Variants in CYP4Z1 observed in about 807,000 individuals in gnomAD.
The protein encoded by CYP4Z1 is cytochrome P450 family 4 subfamily Z member 1.
A neutral mutation model predicts 54.2 loss-of-function variants in CYP4Z1; 41 were observed. That is an observed-to-expected ratio of 0.76 (90% CI 0.59 to 0.98). The LOEUF (loss-of-function observed/expected upper bound fraction) is 0.98. Ranked by LOEUF, CYP4Z1 falls within the 50% of genes least tolerant of loss-of-function variation. The pLI, the probability that CYP4Z1 is intolerant of heterozygous loss-of-function variation, is 0.00. For synonymous variants in CYP4Z1, 163 were observed against 206.2 expected, an observed-to-expected ratio of 0.79 and a Z score of 1.79; for missense variants, 513 against 599.0, an observed-to-expected ratio of 0.86 and a Z score of 1.50.
At chr1:47,099,843 A>T (rs1228519987) in intron 8 of CYP4Z1, among the ~76,000 whole-genome samples, 1 of 152,238 alleles carries the variant, frequency 6.6e-6, no homozygotes, top group Non-Finnish European at 1.5e-5. Context: ...CATAGAACAC[A>T]TTCAAAAAGT....
At chr1:47,056,853 G>T in the CYP4Z1 span, among the ~76,000 whole-genome samples, 1 of 152,006 alleles carries the variant, frequency 6.6e-6, no homozygotes, top group Non-Finnish European at 1.5e-5. Flanking sequence ...ACAGCACACT[G>T]ATGTCTTGAC....
intron 6 of CYP4Z1, among the ~76,000 whole-genome samples, chr1:47,085,837 A>AC (rs1467588043): frequency 6.3e-5 from 3 of 47,586 alleles, no homozygotes; most frequent in Non-Finnish European, 1.2e-4. Flanking sequence ...ATGCTATCCC[A>AC]CCCCCCTCCC....
intron 7 of CYP4Z1, among the ~76,000 whole-genome samples, chr1:47,096,444 A>G (rs1375307922): frequency 6.6e-6 from 1 of 152,150 alleles, no homozygotes; most frequent in African/African-American, 2.4e-5. Context: ...TGCTGATTAG[A>G]AAAATAGTAC....
At chr1:47,103,404 C>G (rs1644734353) in intron 8 of CYP4Z1, among the ~76,000 whole-genome samples, 1 of 151,714 alleles carries the variant, frequency 6.6e-6, no homozygotes, top group African/African-American at 2.4e-5. Context: ...TCTTGAACTC[C>G]TGGCCTCAAG....
intron 8 of CYP4Z1, among the ~76,000 whole-genome samples, chr1:47,099,592 C>T (rs923049122): frequency 6.6e-6 from 1 of 152,068 alleles, no homozygotes; most frequent in Admixed American, 6.6e-5. Context: ...ATATAACAAA[C>T]CCCTCTTTCT....
chr1:47,092,195 T>G (rs1043788818), intron 6 of CYP4Z1, among the ~76,000 whole-genome samples: 1 of 151,920 alleles, frequency 6.6e-6, no homozygotes, highest in African/African-American at 2.4e-5. Context: ...CTTCTTAAAA[T>G]GCCACACCGA....
chr1:47,082,246 C>A (rs758461755), intron 3 of CYP4Z1, 88 bp from the exon 4 acceptor site: 55 of 1,486,656 alleles, frequency 3.7e-5, no homozygotes, highest in Non-Finnish European at 4.8e-5. Context: ...TCTCCAGTGT[C>A]ATAGATAGGG....
intron 7 of CYP4Z1, 29 bp downstream of exon 7, chr1:47,094,698 C>A: frequency 7.2e-6 from 11 of 1,536,492 alleles, no homozygotes; most frequent in Non-Finnish European, 9.8e-6. Context: ...TGAACACATT[C>A]GACTCAATAA....
chr1:47,109,390 G>C (rs1644777659), intron 9 of CYP4Z1, among the ~76,000 whole-genome samples: 1 of 152,192 alleles, frequency 6.6e-6, no homozygotes, highest in East Asian at 1.9e-4. Context: ...AAAAGGTTTA[G>C]AAATTGTGGT....
intron 11 of CYP4Z1, among the ~76,000 whole-genome samples, chr1:47,117,079 T>C (rs1264354061): frequency 6.6e-6 from 1 of 152,192 alleles, no homozygotes; most frequent in Non-Finnish European, 1.5e-5. Context: ...CCAGCTCTTG[T>C]TCCTACAGAG....
At chr1:47,111,417 T>G (rs1644791417) in intron 9 of CYP4Z1, among the ~76,000 whole-genome samples, 1 of 152,142 alleles carries the variant, frequency 6.6e-6, no homozygotes, top group African/African-American at 2.4e-5. Context: ...TCTCCTGACC[T>G]TGTGATCCAC....
At chr1:47,060,377 C>T in the CYP4Z1 span, among the ~76,000 whole-genome samples, 1 of 152,098 alleles carries the variant, frequency 6.6e-6, no homozygotes, top group South Asian at 2.1e-4. Context: ...ATCTACCGAG[C>T]AAATGGACAT....
intron 7 of CYP4Z1, 41 bp downstream of exon 7, chr1:47,094,710 T>G (rs201863431): frequency 1.0e-5 from 15 of 1,498,310 alleles, no homozygotes; most frequent in Non-Finnish European, 1.4e-5. Context: ...ACTCAATAAT[T>G]AAATAATAAA....
At chr1:47,106,342 T>G (rs1396412167) in intron 9 of CYP4Z1, 81 bp downstream of exon 9, 2 of 1,466,912 alleles carry the variant, frequency 1.4e-6, no homozygotes, top group East Asian at 4.7e-5. Flanking sequence ...TCTTTAACAG[T>G]TATTTATCCT....
chr1:47,110,704 C>T (rs915751845), intron 9 of CYP4Z1, among the ~76,000 whole-genome samples: 5 of 151,858 alleles, frequency 3.3e-5, no homozygotes, highest in African/African-American at 1.2e-4. Flanking sequence ...CTTCCAGAAA[C>T]CATTTAAAAG....
At position 47,106,111 on chromosome 1, in the gene CYP4Z1, C is replaced by G. The variant is rs745383860; in HGVS notation, c.1068-17C>G. On this transcript the variant is annotated splice_polypyrimidine_tract_variant and intron_variant, in intron 8 of 11. Transcript: ENST00000334194. ...TGACTACTCCTCCTTTTCCTTTCCT[C>G]CTGTGCTTCTACCCAGGGAACACCT... is the stretch of plus-strand genomic sequence containing the variant. The G allele has an allele frequency of 6.2e-7, 1 of 1,606,742 alleles. No homozygotes were observed. The highest frequency in any genetic ancestry group is 1.1e-5 in the South Asian group (1 of 89,186).
At chr1:47,101,946 T>C (rs1277442534) in intron 8 of CYP4Z1, among the ~76,000 whole-genome samples, 1 of 152,190 alleles carries the variant, frequency 6.6e-6, no homozygotes, top group African/African-American at 2.4e-5. Context: ...TCCTCCAATG[T>C]TGGATGCATA....
intron 8 of CYP4Z1, among the ~76,000 whole-genome samples, chr1:47,104,885 C>G (rs1644746294): frequency 6.6e-6 from 1 of 150,978 alleles, no homozygotes; most frequent in African/African-American, 2.4e-5. Context: ...TGAGCTATGG[C>G]CCTGCTACTG....
In CYP4Z1 at chr1:47,106,216, C is replaced by G. The variant is rs760812035; in HGVS notation, c.1156C>G (p.Leu386Val). Reference protein sequence around the residue: ...YAPVVNISRLLDKPITFPDGR... With the variant: ...YAPVVNISRLVDKPITFPDGR... ...ACCGGTAGTAAACATATCCCGGTTA[C>G]TCGACAAACCCATCACCTTTCCAGA... is the stretch of plus-strand genomic sequence containing the variant. The change falls in exon 9 of 12, where the codon CTC (leucine) becomes GTC (valine). Residue 386 changes from leucine to valine, a missense_variant. By Grantham distance (32) the Leu-to-Val change is conservative. Coordinates refer to ENST00000334194, the MANE Select transcript of CYP4Z1 (RefSeq NM_178134.3). 3.7e-6 allele frequency: 6 copies of G among 1,613,720 alleles called. No homozygotes were observed. In the African/African-American group the frequency reaches 6.7e-5, roughly 18 times the overall value.
Sources: allele counts gnomAD v4.1 joint callset (sites outside exome capture counted in the v4.1 genomes callset), GRCh38; gene constraint gnomAD v4.1.1; transcripts MANE v1.5; gene names NCBI Gene and HGNC (gene_info 2026-07-23, HGNC 2026-07-21).